Variants in RPS6KC1 observed in about 807,000 individuals in gnomAD.
RPS6KC1 encodes the protein ribosomal protein S6 kinase C1.
A neutral mutation model predicts 103.8 loss-of-function variants in RPS6KC1; 54 were observed. The ratio of observed to expected loss-of-function variants is 0.52; its 90% CI spans 0.42 to 0.65. RPS6KC1 has a LOEUF of 0.65. RPS6KC1 is among the 30% of genes least tolerant of loss of function. The pLI is 0.00. For missense variants in RPS6KC1, 1,151 were observed against 1,253.8 expected (o/e 0.92, Z 1.24); for synonymous variants, 439 against 438.7 (o/e 1.00, Z -0.01).
intron 1 of RPS6KC1, among the ~76,000 whole-genome samples, chr1:213,058,465 G>C (rs1427269218): frequency 6.6e-6 from 1 of 150,878 alleles, no homozygotes; most frequent in Admixed American, 6.6e-5. Flanking sequence ...TTTTTATAAG[G>C]TGTAAGGTTT....
At chr1:213,420,341 G>A in the RPS6KC1 span, among the ~76,000 whole-genome samples, 3 of 152,178 alleles carry the variant, frequency 2.0e-5, no homozygotes, top group South Asian at 6.2e-4. Flanking sequence ...AGGGTAAAGT[G>A]GGACAGCCAT....
the RPS6KC1 span, among the ~76,000 whole-genome samples, chr1:213,833,282 G>C: frequency 2.4e-4 from 36 of 152,178 alleles, no homozygotes; most frequent in Non-Finnish European, 2.8e-4. Flanking sequence ...AAGTGCTACT[G>C]TGGGCCAGGA....
the RPS6KC1 span, among the ~76,000 whole-genome samples, chr1:213,762,326 G>A: frequency 6.6e-6 from 1 of 152,116 alleles, no homozygotes; most frequent in Non-Finnish European, 1.5e-5. Context: ...TCTGCACTAC[G>A]CTGTTTCTCT....
chr1:213,404,824 A>G, the RPS6KC1 span, among the ~76,000 whole-genome samples: 1,354 of 152,322 alleles, frequency 8.9e-3, 23 homozygotes, highest in African/African-American at 0.031. Flanking sequence ...AATGATACTA[A>G]TGGAAAACAA....
chr1:213,730,869 T>C, the RPS6KC1 span, among the ~76,000 whole-genome samples: 1 of 152,226 alleles, frequency 6.6e-6, no homozygotes, highest in South Asian at 2.1e-4. Flanking sequence ...CTGAATGATA[T>C]TGCCTAGGTT....
the RPS6KC1 span, among the ~76,000 whole-genome samples, chr1:213,368,868 G>T: frequency 6.6e-6 from 1 of 152,212 alleles, no homozygotes; most frequent in East Asian, 1.9e-4. Flanking sequence ...TTGAAGCTTT[G>T]TCGGTTTTTA....
rs377721098 is a variant in RPS6KC1, at chr1:213,064,156, G to A, written c.106-6850G>A. Reference sequence around the variant, plus strand: ...TCTGCAACCTCCGCCTCTCTGGTTCGAACTGTTTTAGTGCCTCAGCCTCCT... The same window carrying A: ...TCTGCAACCTCCGCCTCTCTGGTTCAAACTGTTTTAGTGCCTCAGCCTCCT... On this transcript the variant is annotated intron_variant, in intron 1 of 14. Coordinates refer to ENST00000366960, the MANE Select transcript of RPS6KC1 (RefSeq NM_012424.6). Among the ~76,000 whole-genome samples the A allele has an allele frequency of 3.3e-5, 5 of 151,100 alleles. No individual in the cohort carries two copies. The East Asian group carries it at 5.9e-4, about 18-fold the overall frequency.
At chr1:213,673,486 C>A in the RPS6KC1 span, among the ~76,000 whole-genome samples, 1 of 152,166 alleles carries the variant, frequency 6.6e-6, no homozygotes, top group Non-Finnish European at 1.5e-5. Flanking sequence ...GGTTTCACTC[C>A]ACAACTTGAA....
the RPS6KC1 span, among the ~76,000 whole-genome samples, chr1:213,335,215 G>C: frequency 6.6e-6 from 1 of 152,194 alleles, no homozygotes; most frequent in South Asian, 2.1e-4. Flanking sequence ...CACATTTCAT[G>C]GCCTCAAGAG....
the RPS6KC1 span, among the ~76,000 whole-genome samples, chr1:213,567,228 G>C: frequency 6.6e-6 from 1 of 152,168 alleles, no homozygotes; most frequent in Non-Finnish European, 1.5e-5. Flanking sequence ...CCTAGTATGA[G>C]ACGGCTAAGC....
At chr1:213,440,152 T>C in the RPS6KC1 span, among the ~76,000 whole-genome samples, 2 of 152,246 alleles carry the variant, frequency 1.3e-5, no homozygotes, top group South Asian at 4.1e-4. Context: ...CTTTACTAGT[T>C]CCATTGTGAA....
chr1:213,289,486 A>T, the RPS6KC1 span, among the ~76,000 whole-genome samples: 1 of 152,214 alleles, frequency 6.6e-6, no homozygotes, highest in African/African-American at 2.4e-5. Flanking sequence ...CCATAAATAA[A>T]AATGAAACTC....
chr1:213,325,471 G>A, the RPS6KC1 span, among the ~76,000 whole-genome samples: 2 of 152,210 alleles, frequency 1.3e-5, no homozygotes, highest in African/African-American at 2.4e-5. Flanking sequence ...GGTTTGCAGG[G>A]AATAGCCCCA....
intron 8 of RPS6KC1, among the ~76,000 whole-genome samples, chr1:213,227,474 A>G (rs1385269756): frequency 6.6e-6 from 1 of 152,254 alleles, no homozygotes; most frequent in Non-Finnish European, 1.5e-5. Context: ...ATAGGTCAGA[A>G]GTCTGACACA....
At chr1:213,670,944 G>GGTTTATTCT in the RPS6KC1 span, among the ~76,000 whole-genome samples, 2 of 152,156 alleles carry the variant, frequency 1.3e-5, no homozygotes, top group African/African-American at 4.8e-5. Context: ...CCCTCTCAGG[G>GGTTTATTCT]GTTTGGTGAG....
the RPS6KC1 span, among the ~76,000 whole-genome samples, chr1:213,728,956 T>TTTTTTTTTTTTTTTTTTTTTTTTTTTG: frequency 7.0e-6 from 1 of 142,192 alleles, no homozygotes; most frequent in African/African-American, 2.8e-5. Flanking sequence ...TTGTTTTTTT[T>TTTTTTTTTTTTTTTTTTTTTTTTTTTG]TTTTTTTTTA....
the RPS6KC1 span, among the ~76,000 whole-genome samples, chr1:213,617,025 C>T: frequency 2.0e-5 from 3 of 152,194 alleles, no homozygotes; most frequent in African/African-American, 7.2e-5. Context: ...TCATGTGAAT[C>T]ACCTATCACA....
Position 213,241,848 on chromosome 1 carries a change from T to C in RPS6KC1, c.2372T>C (p.Leu791Ser), listed in dbSNP as rs1353198220. ...CATAGTAGTTCAGGAGATATGTCTT[T>C]GTTACCCAGCTCAGATCCTAAGTTT... ...VDHSSSGDMS[L>S]LPSSDPKFQG... Residue 791 changes from leucine to serine, a missense_variant, in exon 11 of 15, where the codon TTG (leucine) becomes TCG (serine). Coordinates refer to ENST00000366960, the MANE Select transcript of RPS6KC1 (RefSeq NM_012424.6). 1 of 1,614,022 alleles carries C rather than the reference T, an allele frequency of 6.2e-7. No individual in the cohort carries two copies. Among genetic ancestry groups the C allele is most frequent in the Admixed American group, 1.7e-5 (1 of 59,976 alleles).
At chr1:213,363,653 T>G in the RPS6KC1 span, among the ~76,000 whole-genome samples, 654 of 72,710 alleles carry the variant, frequency 9.0e-3, 52 homozygotes, top group East Asian at 0.013. Flanking sequence ...TTTCTTTCTT[T>G]CTTTCTTTCT....
Sources: allele counts gnomAD v4.1 joint callset (sites outside exome capture counted in the v4.1 genomes callset), GRCh38; gene constraint gnomAD v4.1.1; transcripts MANE v1.5; gene names NCBI Gene and HGNC (gene_info 2026-07-23, HGNC 2026-07-21).